Variants in ABHD3 observed in about 807,000 individuals in gnomAD.
The protein encoded by ABHD3 is abhydrolase domain containing 3, phospholipase.
A neutral mutation model predicts 48.8 loss-of-function variants in ABHD3; 46 were observed. That is an observed-to-expected ratio of 0.94 (90% confidence interval 0.74 to 1.20). ABHD3 has a LOEUF of 1.20. ABHD3 is among the 50% of genes most tolerant of loss of function. ABHD3 has a pLI of 0.00. For missense variants in ABHD3, 490 were observed against 497.8 expected, an observed-to-expected ratio of 0.98 and a Z score of 0.15; for synonymous variants, 192 against 183.7, an observed-to-expected ratio of 1.04 and a Z score of -0.36.
rs929284694 is a variant in ABHD3, at chr18:21,652,282, C to A, written c.1058-519G>T. 2.0e-5 allele frequency among the ~76,000 whole-genome samples: 3 copies of A among 151,248 alleles called. No individual in the cohort carries two copies. The East Asian group carries it at 5.8e-4, about 29-fold the overall frequency. ...CCGAAGTGAGAGGATCACTTGAGCT[C>A]AGGAGTTCGACACCAGCCTGGGCAA... is the stretch of plus-strand genomic sequence containing the variant. On this transcript the variant is annotated intron_variant, in intron 8 of 8. Coordinates refer to ENST00000289119, the MANE Select transcript of ABHD3 (RefSeq NM_138340.5).
chr18:21,654,986 T>C (rs950346606), intron 8 of ABHD3: 9 of 152,198 alleles, frequency 5.9e-5, no homozygotes, highest in Non-Finnish European at 1.2e-4. Context: ...AATGAAAATA[T>C]GCTAAAACAA....
chr18:21,662,067 C>T (rs1292486096), intron 5 of ABHD3: 1 of 152,432 alleles, frequency 6.6e-6, no homozygotes. Context: ...CTTCTGGGTT[C>T]AAGTGATTCT....
intron 4 of ABHD3, among the ~76,000 whole-genome samples, chr18:21,667,101 T>C (rs2146294969): frequency 6.9e-6 from 1 of 145,220 alleles, no homozygotes; most frequent in South Asian, 2.2e-4. Context: ...TTGAGACAAG[T>C]CTCGCTCTGT....
rs2040063888 is a variant in ABHD3 at position 21,683,821 on chromosome 18, TAAAC to T, written c.555+95_555+98del. 8 of 1,224,266 alleles carry T rather than the reference TAAAC, an allele frequency of 6.5e-6. No homozygotes were observed. In the South Asian group the frequency reaches 8.7e-5, roughly 13 times the overall value. The allele number at this position is 1,224,266 out of a possible 1,614,324, so 75.8% of individuals were successfully genotyped here. A position where few individuals can be genotyped will look rare whatever the true frequency, so the allele number is the denominator to read the frequency against. On this transcript the variant is annotated intron_variant, in intron 4 of 8. Coordinates refer to ENST00000289119, the MANE Select transcript of ABHD3 (RefSeq NM_138340.5). ...GTATAATAAATTTGTATTGCTTACATAAACAGAGTTATTTTAAATAAAAAGAATA... is the reference window on the plus strand; with the variant it reads ...GTATAATAAATTTGTATTGCTTACATAGAGTTATTTTAAATAAAAAGAATA...
At chr18:21,692,688 T>C (rs990033313) in intron 3 of ABHD3, among the ~76,000 whole-genome samples, 3 of 152,234 alleles carry the variant, frequency 2.0e-5, no homozygotes, top group African/African-American at 7.2e-5. Flanking sequence ...AGTGATCTTA[T>C]TCTATTTTAT....
At chr18:21,692,565 T>C (rs1371877384) in intron 3 of ABHD3, among the ~76,000 whole-genome samples, 1 of 152,190 alleles carries the variant, frequency 6.6e-6, no homozygotes, top group East Asian at 1.9e-4. Flanking sequence ...ATTAATGCAG[T>C]TTATTTTTTA....
At chr18:21,704,155 G>C (rs905522069) in intron 1 of ABHD3, among the ~76,000 whole-genome samples, 3 of 152,236 alleles carry the variant, frequency 2.0e-5, no homozygotes, top group African/African-American at 7.2e-5. Context: ...CCAAAGTGCT[G>C]AGATTACAGG....
At chr18:21,668,699 T>G (rs2039692140) in intron 4 of ABHD3, among the ~76,000 whole-genome samples, 1 of 152,202 alleles carries the variant, frequency 6.6e-6, no homozygotes, top group Admixed American at 6.5e-5. Flanking sequence ...GAATAAATCA[T>G]TATCTGGTAC....
At chr18:21,659,960 GC>G (rs2039449298) in intron 5 of ABHD3, among the ~76,000 whole-genome samples, 4 of 134,792 alleles carry the variant, frequency 3.0e-5, no homozygotes, top group Non-Finnish European at 4.6e-5. Flanking sequence ...GTTGCACCCG[GC>G]CTTTTTTTTT....
At chr18:21,679,263 A>C (rs969208736) in intron 4 of ABHD3, among the ~76,000 whole-genome samples, 1 of 152,238 alleles carries the variant, frequency 6.6e-6, no homozygotes, top group African/African-American at 2.4e-5. Context: ...AGACAGAAAG[A>C]AGCAGGATTA....
chr18:21,697,232 T>C (rs1490070794), intron 3 of ABHD3, among the ~76,000 whole-genome samples: 11 of 151,914 alleles, frequency 7.2e-5, no homozygotes, highest in Non-Finnish European at 4.4e-5. Flanking sequence ...CGCACCACCA[T>C]ACCTGGCTAA....
intron 3 of ABHD3, among the ~76,000 whole-genome samples, chr18:21,695,153 C>G (rs1294066005): frequency 6.6e-6 from 1 of 152,198 alleles, no homozygotes; most frequent in Non-Finnish European, 1.5e-5. Context: ...CTGCCTCAGC[C>G]TCCCAAGTAG....
intron 5 of ABHD3, among the ~76,000 whole-genome samples, chr18:21,660,681 C>A (rs2039472104): frequency 6.6e-6 from 1 of 152,006 alleles, no homozygotes; most frequent in Non-Finnish European, 1.5e-5. Context: ...TTTTCCAGTT[C>A]AAATGACTTG....
intron 4 of ABHD3, among the ~76,000 whole-genome samples, chr18:21,666,909 C>T (rs1328259570): frequency 6.6e-6 from 1 of 151,766 alleles, no homozygotes; most frequent in Non-Finnish European, 1.5e-5. Flanking sequence ...GAAAAAATAA[C>T]CAGAAATTTA....
intron 2 of ABHD3, among the ~76,000 whole-genome samples, chr18:21,703,224 C>CT (rs1426055932): frequency 7.7e-6 from 1 of 129,442 alleles, no homozygotes; most frequent in Non-Finnish European, 1.7e-5. Context: ...CCCCACCCCC[C>CT]CCCCCAGTAT....
At chr18:21,655,766 G>C (rs115019643) in intron 8 of ABHD3, among the ~76,000 whole-genome samples, 84 of 151,584 alleles carry the variant, frequency 5.5e-4, no homozygotes, top group African/African-American at 2.0e-3. Flanking sequence ...CTTGAACTCG[G>C]GAGGCGTGAG....
intron 3 of ABHD3, among the ~76,000 whole-genome samples, chr18:21,685,590 GCGGTCA>G (rs1568156121): frequency 6.6e-6 from 1 of 152,150 alleles, no homozygotes. Flanking sequence ...GTGCGGTGGC[GCGGTCA>G]CAGTTCACTG....
At chr18:21,692,318 T>C (rs189100779) in intron 3 of ABHD3, among the ~76,000 whole-genome samples, 38 of 152,302 alleles carry the variant, frequency 2.5e-4, no homozygotes, top group Admixed American at 5.9e-4. Context: ...TTGTTAGTAA[T>C]TTCTGCTTTT....
intron 5 of ABHD3, 100 bp downstream of exon 5, chr18:21,664,018 T>C: frequency 6.9e-7 from 1 of 1,450,976 alleles, no homozygotes; most frequent in Non-Finnish European, 9.1e-7. Context: ...CAGACATTTA[T>C]TTAAAAAGTG....
Sources: allele counts gnomAD v4.1 joint callset (sites outside exome capture counted in the v4.1 genomes callset), GRCh38; gene constraint gnomAD v4.1.1; transcripts MANE v1.5; gene names NCBI Gene and HGNC (gene_info 2026-07-23, HGNC 2026-07-21).